The following ZNF503 variants were observed in gnomAD, a reference collection of about 807,000 sequenced individuals.
The protein encoded by ZNF503 is NocA-like zinc finger 2.
A neutral mutation model predicts 34.4 loss-of-function variants in ZNF503; 15 were observed. The ratio of observed to expected loss-of-function variants is 0.44; its 90% CI spans 0.29 to 0.67. The LOEUF (loss-of-function observed/expected upper bound fraction) is 0.67. Among genes scored for constraint, ZNF503 ranks in the 30% least tolerant of loss-of-function variants. The probability of loss-of-function intolerance (pLI) is 0.13; values close to 1 mark genes in which losing one functional copy is unlikely to be tolerated. For synonymous variants in ZNF503, 580 were observed against 456.8 expected (o/e 1.27, Z -3.44); for missense variants, 1,007 against 926.8 (o/e 1.09, Z -1.12).
At chr10:75,373,225 G>A in the ZNF503 span, among the ~76,000 whole-genome samples, 2 of 152,220 alleles carry the variant, frequency 1.3e-5, no homozygotes, top group Non-Finnish European at 1.5e-5. Context: ...GGCTCTATCT[G>A]TGTGGCCTGT....
the ZNF503 span, among the ~76,000 whole-genome samples, chr10:75,348,219 C>CAT: frequency 6.6e-6 from 1 of 151,448 alleles, no homozygotes; most frequent in African/African-American, 2.4e-5. Context: ...TGTGCCACCA[C>CAT]GCCTGGCTAA....
At chr10:75,338,415 A>G in the ZNF503 span, 1 of 152,232 alleles carries the variant, frequency 6.6e-6, no homozygotes, top group Non-Finnish European at 1.5e-5. Context: ...TCACTTTCTC[A>G]TCAGATAAGT....
rs1327642002 is a variant in ZNF503, at chr10:75,399,784, C to T, written c.906G>A (p.Pro302=). The T allele has an allele frequency of 2.5e-6, 4 of 1,595,008 alleles. No homozygotes were observed. The Admixed American group carries it at 5.1e-5, about 20-fold the overall frequency. The change falls in exon 2 of 2, where the codon CCG becomes CCA. Residue 302 remains proline, a synonymous_variant. Coordinates refer to ENST00000372524, the MANE Select transcript of ZNF503 (RefSeq NM_032772.6). ...VDVNQHPDGG[P]GGKALGSDCG... is the part of the protein sequence containing the mutation. ...AGTCCGAGCCCAGAGCCTTGCCTCC[C>T]GGGCCCCCATCCGGATGCTGGTTCA...
At position 75,399,072 on chromosome 10, in the gene ZNF503, G is replaced by C; in HGVS notation, c.1618C>G (p.Arg540Gly). 6.2e-7 allele frequency: 1 copy of C among 1,613,484 alleles called. No homozygotes were observed. ...GTCCCGGGAAATGCCGTATGGGTCC[G>C]CAAGTGGCTCAGCAGCTCTTCGGAC... is the stretch of plus-strand genomic sequence containing the variant. ...ATSEELLSHLRTHTAFPGTDK... is the reference protein window; with the variant it reads ...ATSEELLSHLGTHTAFPGTDK... Residue 540 changes from arginine (R) to glycine (G), a missense_variant, in exon 2 of 2, where the codon CGG (arginine) becomes GGG (glycine). By Grantham distance (125) the Arg-to-Gly change is moderately radical (BLOSUM62 -2). Coordinates refer to ENST00000372524, the MANE Select transcript of ZNF503 (RefSeq NM_032772.6).
At chr10:75,336,727 T>C in the ZNF503 span, among the ~76,000 whole-genome samples, 1 of 152,126 alleles carries the variant, frequency 6.6e-6, no homozygotes, top group Non-Finnish European at 1.5e-5. Context: ...TGGGGAAGAA[T>C]CCATTTCCAA....
the ZNF503 span, among the ~76,000 whole-genome samples, chr10:75,369,989 C>A: frequency 2.6e-5 from 4 of 151,812 alleles, no homozygotes; most frequent in Non-Finnish European, 5.9e-5. Context: ...ATCGCTTGAA[C>A]CCGGGAGGTG....
rs1251349204 is a variant in ZNF503 at position 75,400,520 on chromosome 10, C to T, written c.316-146G>A. 4 of 1,411,350 alleles carry T rather than the reference C, an allele frequency of 2.8e-6. No homozygotes were observed. The African/African-American group carries it at 5.8e-5, about 20-fold the overall frequency. The allele number at this position is 1,411,350 out of a possible 1,614,324, so 87.4% of individuals were successfully genotyped here. A position where few individuals can be genotyped will look rare whatever the true frequency, so the allele number is the denominator to read the frequency against. On this transcript the variant is annotated intron_variant, in intron 1 of 1. Transcript: ENST00000372524. Reference sequence around the variant, plus strand: ...CCAAGGCGCAATTCTAGGCGGCACCCCCTCTTCAACACCCACTCACAAACA... The same window carrying T: ...CCAAGGCGCAATTCTAGGCGGCACCTCCTCTTCAACACCCACTCACAAACA...
the ZNF503 span, among the ~76,000 whole-genome samples, chr10:75,386,942 T>G: frequency 6.6e-6 from 1 of 152,242 alleles, no homozygotes; most frequent in Non-Finnish European, 1.5e-5. Flanking sequence ...GTTGTCTCCA[T>G]GACCCACTAG....
At chr10:75,308,824 A>G in the ZNF503 span, among the ~76,000 whole-genome samples, 2 of 152,148 alleles carry the variant, frequency 1.3e-5, no homozygotes, top group Non-Finnish European at 1.5e-5. Flanking sequence ...AACAGATAAG[A>G]TAAGTAGTTG....
chr10:75,301,739 G>T, the ZNF503 span, among the ~76,000 whole-genome samples: 2 of 151,580 alleles, frequency 1.3e-5, no homozygotes, highest in African/African-American at 4.9e-5. Context: ...CTTTAATTCT[G>T]GTGAAATATA....
At chr10:75,378,176 G>A in the ZNF503 span, among the ~76,000 whole-genome samples, 8 of 152,194 alleles carry the variant, frequency 5.3e-5, no homozygotes, top group Admixed American at 3.3e-4. Context: ...CAGCACTGGG[G>A]ATTACATTTC....
At chr10:75,364,688 A>G in the ZNF503 span, among the ~76,000 whole-genome samples, 2 of 152,218 alleles carry the variant, frequency 1.3e-5, no homozygotes, top group Admixed American at 1.3e-4. Flanking sequence ...CATAAGTCTC[A>G]TCAAATTAAA....
At chr10:75,337,493 C>T in the ZNF503 span, among the ~76,000 whole-genome samples, 1 of 151,246 alleles carries the variant, frequency 6.6e-6, no homozygotes. Flanking sequence ...TGGCAGGCGC[C>T]TGTAATCCCA....
chr10:75,320,414 A>C, the ZNF503 span, among the ~76,000 whole-genome samples: 71 of 152,154 alleles, frequency 4.7e-4, 1 homozygote, highest in African/African-American at 1.7e-3. Flanking sequence ...CCAGGAGGGG[A>C]AGGTTGCAGT....
At chr10:75,334,228 C>G in the ZNF503 span, among the ~76,000 whole-genome samples, 38 of 152,236 alleles carry the variant, frequency 2.5e-4, 1 homozygote, top group African/African-American at 8.2e-4. Flanking sequence ...CCGTCCGCTC[C>G]TCCAGCCGCT....
the ZNF503 span, among the ~76,000 whole-genome samples, chr10:75,320,410 G>A: frequency 2.6e-5 from 4 of 152,172 alleles, no homozygotes; most frequent in Non-Finnish European, 5.9e-5. Context: ...GAACCCAGGA[G>A]GGGAAGGTTG....
the ZNF503 span, among the ~76,000 whole-genome samples, chr10:75,364,057 A>G: frequency 0.045 from 6,835 of 152,326 alleles, 213 homozygotes; most frequent in African/African-American, 0.091. Flanking sequence ...ATATTGAAAT[A>G]CATATTTTAT....
chr10:75,304,753 G>C, the ZNF503 span, among the ~76,000 whole-genome samples: 2 of 152,118 alleles, frequency 1.3e-5, no homozygotes, highest in African/African-American at 4.8e-5. Flanking sequence ...TGAATTTAGA[G>C]TGCCATGAAA....
chr10:75,387,994 CA>C, the ZNF503 span, among the ~76,000 whole-genome samples: 2 of 152,136 alleles, frequency 1.3e-5, no homozygotes, highest in African/African-American at 4.8e-5. Flanking sequence ...TCCAGGACCC[CA>C]CATGAGCAGG....
Sources: gnomAD v4.1 joint callset for allele counts (sites outside exome capture counted in the v4.1 genomes callset) on GRCh38, gnomAD v4.1.1 for gene constraint, MANE v1.5 for transcripts, NCBI Gene and HGNC (gene_info 2026-07-23, HGNC 2026-07-21) for gene names.